The following ZNF487 variants were observed in gnomAD, a reference collection of about 807,000 sequenced individuals.
The protein encoded by ZNF487 is KRAB domain only 1.
ZNF487 carries 4 observed loss-of-function variants against 3.0 expected under a neutral mutation model. That is an observed-to-expected ratio of 1.35 (90% CI 0.66 to 3.08). The LOEUF (loss-of-function observed/expected upper bound fraction) is 3.08, where lower values mean the gene tolerates loss of function less well. ZNF487 is among the 30% of genes most tolerant of loss of function. ZNF487 has a pLI of 0.01. For synonymous variants in ZNF487, 55 were observed against 34.6 expected (o/e 1.59, Z -2.06); for missense variants, 146 against 98.7 (o/e 1.48, Z -2.03).
chr10:43,468,571 C>T (rs566262015), intron 1 of ZNF487, among the ~76,000 whole-genome samples: 105 of 147,362 alleles, frequency 7.1e-4, no homozygotes, highest in African/African-American at 2.4e-3. Flanking sequence ...GCCAACTACT[C>T]GGGAGGTTGA....
chr10:43,511,817 G>A, the ZNF487 span, among the ~76,000 whole-genome samples: 1 of 152,042 alleles, frequency 6.6e-6, no homozygotes, highest in Non-Finnish European at 1.5e-5. Context: ...ATCCTCCTCT[G>A]CTGAGGTCAC....
At chr10:43,512,302 G>T in the ZNF487 span, among the ~76,000 whole-genome samples, 1 of 152,300 alleles carries the variant, frequency 6.6e-6, no homozygotes, top group East Asian at 1.9e-4. Context: ...GGGCATTTGA[G>T]CCACTTCCTC....
At chr10:43,495,962 T>C in the ZNF487 span, 5 of 502,720 alleles carry the variant, frequency 9.9e-6, no homozygotes, top group East Asian at 5.7e-5. Flanking sequence ...ATCCCAAACA[T>C]TGCATAGTGT....
intron 1 of ZNF487, among the ~76,000 whole-genome samples, chr10:43,471,087 C>G (rs1840891412): frequency 6.6e-6 from 1 of 152,104 alleles, no homozygotes; most frequent in Non-Finnish European, 1.5e-5. Context: ...CCTTTTCTTC[C>G]TGTCTCTGAA....
At chr10:43,467,162 G>A (rs1183204103) in intron 1 of ZNF487, among the ~76,000 whole-genome samples, 7 of 151,578 alleles carry the variant, frequency 4.6e-5, no homozygotes, top group African/African-American at 1.7e-4. Flanking sequence ...AGCATGAGCC[G>A]CCGCACCCGG....
At chr10:43,459,228 TC>T (rs1840331041) in intron 1 of ZNF487, among the ~76,000 whole-genome samples, 1 of 151,710 alleles carries the variant, frequency 6.6e-6, no homozygotes, top group Non-Finnish European at 1.5e-5. Context: ...TCTTTTTCTT[TC>T]TTTCTTTCTT....
the ZNF487 span, among the ~76,000 whole-genome samples, chr10:43,510,384 A>C: frequency 6.6e-6 from 1 of 152,080 alleles, no homozygotes; most frequent in South Asian, 2.1e-4. Flanking sequence ...GGGCTGTTGT[A>C]GTTTCCCATT....
At chr10:43,462,286 T>C (rs1019150978) in intron 1 of ZNF487, among the ~76,000 whole-genome samples, 1 of 152,096 alleles carries the variant, frequency 6.6e-6, no homozygotes, top group Non-Finnish European at 1.5e-5. Flanking sequence ...GCCTGAACCC[T>C]CTTACGTGGC....
the ZNF487 span, among the ~76,000 whole-genome samples, chr10:43,503,615 A>G: frequency 6.6e-6 from 1 of 151,818 alleles, no homozygotes. Flanking sequence ...CTTTTTGTTT[A>G]TTTGTTTTGA....
chr10:43,457,243 C>T (rs942476731), intron 1 of ZNF487, among the ~76,000 whole-genome samples: 2 of 151,398 alleles, frequency 1.3e-5, no homozygotes, highest in African/African-American at 2.4e-5. Context: ...GAGACTCCAT[C>T]TCCAGAAAAC....
chr10:43,490,202 G>A, the ZNF487 span, among the ~76,000 whole-genome samples: 4,244 of 151,830 alleles, frequency 0.028, 92 homozygotes, highest in South Asian at 0.041. Flanking sequence ...ATACAAAAAG[G>A]GGTAGCCAGT....
At chr10:43,438,539 T>G (rs1054320677) in intron 1 of ZNF487, among the ~76,000 whole-genome samples, 1 of 152,130 alleles carries the variant, frequency 6.6e-6, no homozygotes, top group Non-Finnish European at 1.5e-5. Flanking sequence ...TGTAAAATGG[T>G]ACAGCAGCTA....
chr10:43,513,376 A>C, the ZNF487 span, among the ~76,000 whole-genome samples: 2 of 152,238 alleles, frequency 1.3e-5, no homozygotes, highest in South Asian at 2.1e-4. Context: ...TCAAGCAATG[A>C]AACCACATCT....
chr10:43,518,078 G>T, the ZNF487 span, among the ~76,000 whole-genome samples: 2 of 152,146 alleles, frequency 1.3e-5, no homozygotes, highest in South Asian at 2.1e-4. Context: ...CCTAAGAGTT[G>T]CCCCCTTTGG....
intron 1 of ZNF487, among the ~76,000 whole-genome samples, chr10:43,447,584 C>G (rs1839858885): frequency 6.6e-6 from 1 of 152,234 alleles, no homozygotes; most frequent in Non-Finnish European, 1.5e-5. Flanking sequence ...GGAACAGGCA[C>G]TATTCCATGC....
intron 1 of ZNF487, among the ~76,000 whole-genome samples, chr10:43,440,919 T>C (rs1003794821): frequency 6.6e-6 from 1 of 151,660 alleles, no homozygotes; most frequent in African/African-American, 2.4e-5. Flanking sequence ...TAGGCTGGAG[T>C]GCAGTTGTGT....
chr10:43,502,634 A>G, the ZNF487 span, among the ~76,000 whole-genome samples: 5 of 152,358 alleles, frequency 3.3e-5, no homozygotes, highest in Non-Finnish European at 5.9e-5. Flanking sequence ...ACAATGATGT[A>G]TCATACATAA....
chr10:43,498,803 G>A, the ZNF487 span, among the ~76,000 whole-genome samples: 2 of 151,542 alleles, frequency 1.3e-5, no homozygotes, highest in Non-Finnish European at 3.0e-5. Flanking sequence ...TTAGCCGGGC[G>A]TAGTGGCGGG....
intron 1 of ZNF487, among the ~76,000 whole-genome samples, chr10:43,465,906 C>G (rs1450157196): frequency 6.6e-6 from 1 of 152,186 alleles, no homozygotes; most frequent in Non-Finnish European, 1.5e-5. Flanking sequence ...CCATTGAGCA[C>G]TGAGTGAACG....
Sources: gnomAD v4.1 joint callset for allele counts (sites outside exome capture counted in the v4.1 genomes callset) on GRCh38, gnomAD v4.1.1 for gene constraint, MANE v1.5 for transcripts, NCBI Gene and HGNC (gene_info 2026-07-23, HGNC 2026-07-21) for gene names.